NPEPL1: variants seen among roughly 807,000 people sequenced by gnomAD.
NPEPL1 encodes aminopeptidase like 1, also known as probable aminopeptidase NPEPL1.
In NPEPL1, 45 loss-of-function variants were observed where a neutral mutation model predicts 52.4. The ratio of observed to expected loss-of-function variants is 0.86; its 90% CI spans 0.68 to 1.10. The LOEUF is 1.10. NPEPL1 is among the 50% of genes least tolerant of loss of function. NPEPL1 has a pLI of 0.00. For synonymous variants in NPEPL1, 360 were observed against 314.7 expected (o/e 1.14, Z -1.52); for missense variants, 696 against 710.9 (o/e 0.98, Z 0.24).
At chr20:58,699,140 G>C in intron 4 of NPEPL1, 57 bp from the exon 5 acceptor site, 1 of 1,494,036 alleles carries the variant, frequency 6.7e-7, no homozygotes, top group Non-Finnish European at 9.1e-7. Context: ...GGCCTCTCCT[G>C]TTTCCAGCCA....
At position 58,698,310 on chromosome 20, in the gene NPEPL1, G is replaced by A. The variant is rs542863060; in HGVS notation, c.508-374G>A. Among the ~76,000 whole-genome samples, 160 of 152,184 alleles carry A rather than the reference G, an allele frequency of 1.1e-3. 1 individual carries two copies. Among genetic ancestry groups the A allele is most frequent in the African/African-American group, 3.7e-3 (153 of 41,504 alleles). ...GCAGAGGTGAGGCGTGGGAAGCTCA[G>A]GGCATACTCAGGGGCTGGCATGAGG... On this transcript the variant is annotated intron_variant, in intron 3 of 11. Coordinates refer to ENST00000356091, the MANE Select transcript of NPEPL1 (RefSeq NM_024663.4).
Position 58,692,869 on chromosome 20 carries a change from C to A in NPEPL1, c.-32C>A, listed in dbSNP as rs1463352017. The A allele has an allele frequency of 9.9e-7, 1 of 1,008,160 alleles. No individual in the cohort carries two copies. Among genetic ancestry groups the A allele is most frequent in the African/African-American group, 1.8e-5 (1 of 56,780 alleles). The allele number at this position is 1,008,160 out of a possible 1,614,324, so 62.5% of individuals were successfully genotyped here. A position where few individuals can be genotyped will look rare whatever the true frequency, so the allele number is the denominator to read the frequency against. On this transcript the variant is annotated 5_prime_UTR_variant, in exon 1 of 12. Transcript: ENST00000356091. The surrounding 1 kb of genome is among the most constrained non-coding windows in gnomAD (Gnocchi z 5.7). Reference sequence around the variant, plus strand: ...GGCCGAGCGGCGGGCCGGGCCGGGCCGGGCAGGGCCGGGGCGTGGGCCGGC... The same window carrying A: ...GGCCGAGCGGCGGGCCGGGCCGGGCAGGGCAGGGCCGGGGCGTGGGCCGGC...
upstream of NPEPL1, chr20:58,691,858 C>G (rs1040570570): frequency 2.1e-6 from 3 of 1,395,652 alleles, no homozygotes; most frequent in South Asian, 1.2e-5. Context: ...TTAAATGACT[C>G]CTGGGTGGAG....
chr20:58,711,642 C>A (rs909854300), intron 7 of NPEPL1: 2 of 152,724 alleles, frequency 1.3e-5, no homozygotes, highest in Non-Finnish European at 2.9e-5. Flanking sequence ...CTCGCAGCTG[C>A]CATGCCCAGC....
rs1317814296 is a variant in NPEPL1 at position 58,694,438 on chromosome 20, C to T, written c.353C>T (p.Pro118Leu). ...HRCIVMVCEQ[P>L]EVFASACALA... ...GTGCCACAGATGGTCTGCGAGCAGCCGGAGGTCTTTGCTTCCGCCTGTGCC... is the reference window on the plus strand; with the variant it reads ...GTGCCACAGATGGTCTGCGAGCAGCTGGAGGTCTTTGCTTCCGCCTGTGCC... Residue 118 changes from proline (P) to leucine (L), a missense_variant, in exon 3 of 12, where the codon CCG becomes CTG. Physicochemically the swap from Pro to Leu is moderately conservative, Grantham distance 98 (BLOSUM62 -3). Transcript: ENST00000356091. The T allele has an allele frequency of 9.3e-6, 15 of 1,611,672 alleles. No individual in the cohort carries two copies. Among genetic ancestry groups the T allele is most frequent in the Middle Eastern group, 1.7e-4 (1 of 6,040 alleles).
chr20:58,713,488 G>T lies in NPEPL1; in HGVS notation c.1070G>T (p.Cys357Phe). The stretch of plus-strand genomic sequence containing the variant: ...CTGGCAGATGGCGTGTCCTATGCTT[G>T]CAAGGACCTGGGGGCCGACATCATC... ...LVLADGVSYA[C>F]KDLGADIILD... The change falls in exon 9 of 12, where the codon TGC (cysteine) becomes TTC (phenylalanine). Residue 357 changes from cysteine to phenylalanine, a missense_variant. By Grantham distance (205) the Cys-to-Phe change is radical (BLOSUM62 -2). Transcript: ENST00000356091. This position sits in a 1 kb window ranked among gnomAD's most constrained non-coding sequence, Gnocchi z 4.6. The T allele has an allele frequency of 1.2e-6, 2 of 1,611,528 alleles. No homozygotes were observed. The highest frequency in any genetic ancestry group is 2.2e-5 in the East Asian group (1 of 44,814).
At position 58,698,696 on chromosome 20, in the gene NPEPL1, G is replaced by A; in HGVS notation, c.520G>A (p.Ala174Thr). Reference sequence around the variant, plus strand: ...TTTTTCTCCCTAGTGCTTAGCGAATGCCACAGACGGCGTGCGGCTAGCAGC... The same window carrying A: ...TTTTTCTCCCTAGTGCTTAGCGAATACCACAGACGGCGTGCGGCTAGCAGC... ...EVSTLQCLANATDGVRLAARI... is the reference protein window; with the variant it reads ...EVSTLQCLANTTDGVRLAARI... Residue 174 changes from alanine (A) to threonine (T), a missense_variant, in exon 4 of 12, where the codon GCC becomes ACC. Coordinates refer to ENST00000356091, the MANE Select transcript of NPEPL1 (RefSeq NM_024663.4). 1.2e-6 allele frequency: 2 copies of A among 1,612,682 alleles called. No individual in the cohort carries two copies. Among genetic ancestry groups the A allele is most frequent in the Non-Finnish European group, 1.7e-6 (2 of 1,179,810 alleles).
rs150844800 is a variant in NPEPL1 at position 58,703,142 on chromosome 20, G to A, written c.822+1984G>A. 8.3e-3 allele frequency among the ~76,000 whole-genome samples: 1,265 copies of A among 152,312 alleles called. 8 individuals are homozygous for A. The highest frequency in any genetic ancestry group is 0.014 in the Middle Eastern group (4 of 292). ...GCCCACAGGATCTGACTGTCAGAGC[G>A]ATTCTCAGAAGGAATGTGGGTAGTA... On this transcript the variant is annotated intron_variant, in intron 6 of 11. Transcript: ENST00000356091.
intron 5 of NPEPL1, 108 bp downstream of exon 5, chr20:58,699,386 C>A: frequency 1.2e-6 from 1 of 823,316 alleles, no homozygotes; most frequent in Non-Finnish European, 1.9e-6. Flanking sequence ...AAACTTCATC[C>A]TGCTTGTGAC....
chr20:58,692,924 C>A lies in NPEPL1; in HGVS notation c.24C>A (p.Phe8Leu), dbSNP rs1280872503. 3.6e-6 allele frequency: 4 copies of A among 1,120,196 alleles called. No homozygotes were observed. The highest frequency in any genetic ancestry group is 5.3e-5 in the South Asian group (2 of 37,732). The allele number at this position is 1,120,196 out of a possible 1,614,324, so 69.4% of individuals were successfully genotyped here. Residue 8 changes from phenylalanine (F) to leucine (L), a missense_variant, in exon 1 of 12, where the codon TTC becomes TTA. Transcript: ENST00000356091. The surrounding 1 kb of genome is among the most constrained non-coding windows in gnomAD (Gnocchi z 5.7). MANVGLQ[F>L]QASAGDSDPQ... The stretch of plus-strand genomic sequence containing the variant: ...AGATGGCGAACGTGGGGCTGCAGTT[C>A]CAGGCGAGCGCGGGGGACTCGGACC...
upstream of NPEPL1, chr20:58,691,870 T>G (rs547878867): frequency 1.1e-5 from 13 of 1,200,138 alleles, no homozygotes; most frequent in African/African-American, 1.5e-4. Context: ...TGGGTGGAGC[T>G]TCCCCAATGC....
rs1354867521 is a variant in NPEPL1, at chr20:58,713,559, A to T, written c.1125+16A>T. The T allele has an allele frequency of 6.3e-6, 10 of 1,588,118 alleles. No individual in the cohort carries two copies. Among genetic ancestry groups the T allele is most frequent in the Non-Finnish European group, 8.6e-6 (10 of 1,164,162 alleles). On this transcript the variant is annotated intron_variant, in intron 9 of 11. Transcript: ENST00000356091. The surrounding 1 kb of genome is among the most constrained non-coding windows in gnomAD (Gnocchi z 4.6). Reference sequence around the variant, plus strand: ...CGGGGCTCAGGTGAGTGCTCCCTGGATCCACCCCTTAGCTGTAGTCCCAGG... The same window carrying T: ...CGGGGCTCAGGTGAGTGCTCCCTGGTTCCACCCCTTAGCTGTAGTCCCAGG...
chr20:58,715,503 G>A lies in NPEPL1; in HGVS notation c.*177G>A. 3 of 622,768 alleles carry A rather than the reference G, an allele frequency of 4.8e-6. No individual in the cohort carries two copies. Among genetic ancestry groups the A allele is most frequent in the South Asian group, 4.7e-5 (2 of 42,424 alleles). The allele number at this position is 622,768 out of a possible 1,614,324, so 38.6% of individuals were successfully genotyped here. A position where few individuals can be genotyped will look rare whatever the true frequency, so the allele number is the denominator to read the frequency against. On this transcript the variant is annotated 3_prime_UTR_variant, in exon 12 of 12. Transcript: ENST00000356091. ...AGCTTAGGGTTTGGTGCGGGCCACG[G>A]GGAGGGGACCGGGAAGCGCTGGGGC...
At chr20:58,701,488 C>T (rs1286220015) in intron 6 of NPEPL1, among the ~76,000 whole-genome samples, 5 of 151,886 alleles carry the variant, frequency 3.3e-5, no homozygotes, top group Non-Finnish European at 5.9e-5. Context: ...GGAGAGTGCG[C>T]AGGGCGGGTT....
At chr20:58,707,101 G>C (rs1340189762) in intron 6 of NPEPL1, 22 bp from the exon 7 acceptor site, 6 of 1,550,092 alleles carry the variant, frequency 3.9e-6, no homozygotes, top group Non-Finnish European at 3.5e-6. Flanking sequence ...CCTTTGTCCT[G>C]GTCCCTTTGT....
intron 6 of NPEPL1, among the ~76,000 whole-genome samples, chr20:58,702,561 C>T (rs987006942): frequency 2.6e-5 from 4 of 152,078 alleles, no homozygotes; most frequent in African/African-American, 2.4e-5. Flanking sequence ...AAAAAACATG[C>T]CTCCCTATGG....
At chr20:58,714,932 G>A (rs563319748) in intron 11 of NPEPL1, 12 of 615,024 alleles carry the variant, frequency 2.0e-5, no homozygotes, top group South Asian at 4.0e-5. Context: ...AGGAGCTCCC[G>A]GGGTGAAGGC....
At chr20:58,703,812 A>C in intron 6 of NPEPL1, 3 of 984,734 alleles carry the variant, frequency 3.0e-6, no homozygotes, top group Non-Finnish European at 3.6e-6. Context: ...CTGTGGTCTG[A>C]GGGTGGCTGG....
intron 3 of NPEPL1, 91 bp from the exon 4 acceptor site, chr20:58,698,593 T>G (rs1294170688): frequency 9.8e-7 from 1 of 1,023,624 alleles, no homozygotes; most frequent in Non-Finnish European, 1.5e-6. Context: ...TGGGTGATGT[T>G]TGCCTCTGCT....
Sources: gnomAD v4.1 joint callset for allele counts (sites outside exome capture counted in the v4.1 genomes callset) on GRCh38, gnomAD v4.1.1 for gene constraint, Gnocchi (gnomAD v3.1) non-coding constraint, MANE v1.5 for transcripts, NCBI Gene and HGNC (gene_info 2026-07-23, HGNC 2026-07-21) for gene names.